SEMA3A: variants seen among roughly 807,000 people sequenced by gnomAD.
SEMA3A encodes the protein semaphorin-3A.
A neutral mutation model predicts 97.9 loss-of-function variants in SEMA3A; 29 were observed. That is an observed-to-expected ratio of 0.30 (90% CI 0.22 to 0.40). SEMA3A has a LOEUF of 0.40. Among genes scored for constraint, SEMA3A ranks in the 10% least tolerant of loss-of-function variants. SEMA3A has a pLI of 1.00. For synonymous variants in SEMA3A, 321 were observed against 323.7 expected (o/e 0.99, Z 0.09); for missense variants, 763 against 951.3 (o/e 0.80, Z 2.60).
chr7:84,120,265 A>C (rs1218589752), intron 3 of SEMA3A, among the ~76,000 whole-genome samples: 1 of 152,192 alleles, frequency 6.6e-6, no homozygotes, highest in Non-Finnish European at 1.5e-5. Context: ...AAATATGAAT[A>C]CTACCTAATT....
chr7:83,965,539 T>A (rs962315321), intron 15 of SEMA3A, among the ~76,000 whole-genome samples: 1 of 145,976 alleles, frequency 6.9e-6, no homozygotes, highest in Admixed American at 7.0e-5. Flanking sequence ...AATCCTTCAA[T>A]ACATTAATTG....
At chr7:84,062,841 G>T (rs1358094723) in intron 4 of SEMA3A, among the ~76,000 whole-genome samples, 1 of 137,650 alleles carries the variant, frequency 7.3e-6, no homozygotes, top group Non-Finnish European at 1.5e-5. Flanking sequence ...CGAGGCGGGG[G>T]GAGGGGCGTC....
At chr7:84,473,471 T>C (rs1584349772) in intron 1 of SEMA3A, among the ~76,000 whole-genome samples, 1 of 151,498 alleles carries the variant, frequency 6.6e-6, no homozygotes, top group East Asian at 1.9e-4. Flanking sequence ...CTCGGCTCAT[T>C]GCAACTTCTG....
intron 3 of SEMA3A, among the ~76,000 whole-genome samples, chr7:84,287,946 A>T (rs1198637649): frequency 6.6e-6 from 1 of 152,184 alleles, no homozygotes; most frequent in Non-Finnish European, 1.5e-5. Context: ...AAAAATGGTA[A>T]CAAAAGAGAA....
intron 6 of SEMA3A, among the ~76,000 whole-genome samples, chr7:84,024,435 A>G (rs1791468141): frequency 6.6e-6 from 1 of 152,056 alleles, no homozygotes; most frequent in South Asian, 2.1e-4. Context: ...AATCCCAGCT[A>G]TTCGGGAGGC....
chr7:84,396,555 A>G (rs747471126), intron 1 of SEMA3A, among the ~76,000 whole-genome samples: 75 of 152,038 alleles, frequency 4.9e-4, no homozygotes, highest in Non-Finnish European at 9.3e-4. Flanking sequence ...TACCTTATAA[A>G]TTTATAATTT....
chr7:83,961,726 T>C lies in SEMA3A; in HGVS notation c.1961A>G (p.His654Arg). Residue 654 changes from histidine to arginine, a missense_variant, in exon 17 of 17, where the codon CAT becomes CGT. His to Arg is a conservative substitution (Grantham distance 29). This residue lies in a region of SEMA3A where 678 missense variants were observed against 881.3 expected (regional missense o/e 0.77). Transcript: ENST00000265362. ...CTTAAGAAGAGTTTGTATGAACCCATGTTCCACCGCATGGCAGAGGTAATT... is the reference window on the plus strand; with the variant it reads ...CTTAAGAAGAGTTTGTATGAACCCACGTTCCACCGCATGGCAGAGGTAATT... ...SGNYLCHAVE[H>R]GFIQTLLKVT... is the part of the protein sequence containing the mutation. 1.2e-6 allele frequency: 2 copies of C among 1,613,884 alleles called. No homozygotes were observed. Among genetic ancestry groups the C allele is most frequent in the Non-Finnish European group, 1.7e-6 (2 of 1,179,888 alleles).
intron 1 of SEMA3A, among the ~76,000 whole-genome samples, chr7:84,376,169 C>G (rs888015211): frequency 2.0e-5 from 3 of 152,168 alleles, no homozygotes; most frequent in Admixed American, 2.0e-4. Context: ...ATGCAGACAT[C>G]TTTTTGACAT....
chr7:84,461,330 G>A (rs1805834047), intron 1 of SEMA3A, among the ~76,000 whole-genome samples: 1 of 152,088 alleles, frequency 6.6e-6, no homozygotes, highest in African/African-American at 2.4e-5. Flanking sequence ...CCTCCAGGAA[G>A]GACACAATAC....
At chr7:84,198,982 A>C (rs1024295881), upstream of SEMA3A, among the ~76,000 whole-genome samples, 5 of 152,192 alleles carry the variant, frequency 3.3e-5, no homozygotes, top group Non-Finnish European at 7.3e-5. Context: ...TTATCTTTTC[A>C]GGTATTGGAT....
chr7:84,051,442 A>T (rs2115620760), intron 5 of SEMA3A, among the ~76,000 whole-genome samples: 1 of 152,192 alleles, frequency 6.6e-6, no homozygotes, highest in East Asian at 1.9e-4. Flanking sequence ...TGTAAGTTGG[A>T]TTCCTAGGTA....
At chr7:84,153,649 A>G (rs373331642) in intron 1 of SEMA3A, among the ~76,000 whole-genome samples, 7 of 152,104 alleles carry the variant, frequency 4.6e-5, no homozygotes, top group African/African-American at 1.7e-4. Context: ...TCTGCCATGA[A>G]TTTCCCCTTT....
intron 5 of SEMA3A, among the ~76,000 whole-genome samples, chr7:84,054,591 A>C (rs1393625758): frequency 1.4e-5 from 2 of 145,300 alleles, no homozygotes; most frequent in South Asian, 2.3e-4. Context: ...TGGTTATTCT[A>C]GTTATACATT....
At chr7:84,056,587 AAAAAAG>A (rs1260178679) in intron 5 of SEMA3A, among the ~76,000 whole-genome samples, 5 of 152,162 alleles carry the variant, frequency 3.3e-5, no homozygotes, top group African/African-American at 9.6e-5. Flanking sequence ...AGGGGGAAAA[AAAAAAG>A]AAAATACCCC....
rs1791713948 is a variant in SEMA3A at position 84,030,699 on chromosome 7, A to G, written c.667+15625T>C. Among the ~76,000 whole-genome samples the G allele has an allele frequency of 2.0e-5, 3 of 152,160 alleles. No homozygotes were observed. The South Asian group carries it at 6.2e-4, about 31-fold the overall frequency. On this transcript the variant is annotated intron_variant, in intron 6 of 16. Coordinates refer to ENST00000265362, the MANE Select transcript of SEMA3A (RefSeq NM_006080.3). ...ACAATTATAATAACAGATTCCTTGA[A>G]TTAATAACGTATTTTTATCCATTAA...
At position 84,305,591 on chromosome 7, in the gene SEMA3A, T is replaced by C. The variant is rs113639839; in HGVS notation, c.-83+1616A>G. Among the ~76,000 whole-genome samples, 5 of 152,152 alleles carry C rather than the reference T, an allele frequency of 3.3e-5. 1 individual carries two copies. The highest frequency in any genetic ancestry group is 1.2e-4 in the African/African-American group (5 of 41,562). On this transcript the variant is annotated intron_variant, in intron 3 of 3. Coordinates refer to the SEMA3A transcript ENST00000424555. ...TTTTTATAAATGAATTTTTAAGTAC[T>C]GGCTAGATCCCAAATAAACATTAAA...
chr7:84,143,950 AACACACACACAC>A (rs796470836), intron 1 of SEMA3A, among the ~76,000 whole-genome samples: 3,104 of 94,616 alleles, frequency 0.033, 58 homozygotes, highest in South Asian at 0.1. Context: ...CTCTCTCTCT[AACACACACACAC>A]ACACACACAC....
chr7:84,471,840 G>A (rs1298724637), intron 1 of SEMA3A, among the ~76,000 whole-genome samples: 1 of 151,692 alleles, frequency 6.6e-6, no homozygotes, highest in African/African-American at 2.4e-5. Context: ...TCTTTTTTTA[G>A]ATCCCTTATT....
At chr7:84,019,458 G>A (rs1791238231) in intron 6 of SEMA3A, among the ~76,000 whole-genome samples, 1 of 151,940 alleles carries the variant, frequency 6.6e-6, no homozygotes, top group African/African-American at 2.4e-5. Flanking sequence ...TCTCACAAGT[G>A]GGGAGTTGCA....
Sources: gnomAD v4.1 joint callset for allele counts (sites outside exome capture counted in the v4.1 genomes callset) on GRCh38, gnomAD v4.1.1 for gene constraint, gnomAD v4.1.1 regional missense constraint, MANE v1.5 for transcripts, NCBI Gene and HGNC (gene_info 2026-07-23, HGNC 2026-07-21) for gene names.